MBD5: variants seen among roughly 807,000 people sequenced by gnomAD.
MBD5 encodes methyl-CpG binding domain protein 5, also known as methyl-CpG-binding domain protein 5.
Under a neutral mutation model 117.3 loss-of-function variants are expected in MBD5, and 13 were observed. The ratio of observed to expected loss-of-function variants is 0.11; its 90% CI spans 0.07 to 0.18. MBD5 has a LOEUF of 0.18. Among genes scored for constraint, MBD5 ranks in the 10% least tolerant of loss-of-function variants. The pLI, the probability that MBD5 is intolerant of heterozygous loss-of-function variation, is 1.00. For synonymous variants in MBD5, 727 were observed against 766.4 expected, an observed-to-expected ratio of 0.95 and a Z score of 0.85; for missense variants, 1,879 against 2,093.8, an observed-to-expected ratio of 0.90 and a Z score of 2.00.
chr2:148,158,927 T>G lies in MBD5; in HGVS notation c.-924-19773T>G, dbSNP rs1574079971. Among the ~76,000 whole-genome samples the G allele has an allele frequency of 3.3e-5, 5 of 152,356 alleles. No individual in the cohort carries two copies. The East Asian group carries it at 9.6e-4, about 29-fold the overall frequency. On this transcript the variant is annotated intron_variant, in intron 1 of 13. Coordinates refer to ENST00000642680, the MANE Select transcript of MBD5 (RefSeq NM_001378120.1). ...TTAGTAGAGACGGGGTTTCATCGTG[T>G]TAGCCAGGATGGTCTCGATCTCCTG... is the stretch of plus-strand genomic sequence containing the variant.
rs767414634 is a variant in MBD5 at position 148,510,089 on chromosome 2, C to T, written c.5066C>T (p.Ala1689Val). The change falls in exon 13 of 14, where the codon GCT becomes GTT. Residue 1689 changes from alanine (A) to valine (V), a missense_variant. Coordinates refer to ENST00000642680, the MANE Select transcript of MBD5 (RefSeq NM_001378120.1). ...KSGKLNNHLE[A>V]AIHEAMSELD... is the part of the protein sequence containing the mutation. ...GGAAAGCTAAATAACCATTTAGAAGCTGCTATTCATGAGGCCATGAGTGAA... is the reference window on the plus strand; with the variant it reads ...GGAAAGCTAAATAACCATTTAGAAGTTGCTATTCATGAGGCCATGAGTGAA... 1 of 1,612,812 alleles carries T rather than the reference C, an allele frequency of 6.2e-7. No individual in the cohort carries two copies. Among genetic ancestry groups the T allele is most frequent in the Non-Finnish European group, 8.5e-7 (1 of 1,179,028 alleles).
intron 5 of MBD5, among the ~76,000 whole-genome samples, chr2:148,459,077 C>G (rs1706975573): frequency 6.6e-6 from 1 of 152,054 alleles, no homozygotes; most frequent in African/African-American, 2.4e-5. Flanking sequence ...CTGCTTATCT[C>G]TGTAACAAGA....
chr2:148,267,043 A>G (rs949212857), intron 3 of MBD5, among the ~76,000 whole-genome samples: 9 of 152,168 alleles, frequency 5.9e-5, no homozygotes, highest in African/African-American at 2.2e-4. Context: ...AAGATCTTCT[A>G]ACATTTAATA....
intron 1 of MBD5, among the ~76,000 whole-genome samples, chr2:148,141,315 C>A (rs1049549920): frequency 6.6e-6 from 1 of 152,156 alleles, no homozygotes; most frequent in Non-Finnish European, 1.5e-5. Flanking sequence ...ATTGGAGACA[C>A]TCCTACAAAT....
intron 3 of MBD5, among the ~76,000 whole-genome samples, chr2:148,268,362 T>C (rs1700907918): frequency 6.6e-6 from 1 of 151,982 alleles, no homozygotes; most frequent in Non-Finnish European, 1.5e-5. Context: ...GATTACAGGC[T>C]TGAACCACAG....
chr2:148,164,739 T>C (rs2105765707), intron 1 of MBD5, among the ~76,000 whole-genome samples: 1 of 152,326 alleles, frequency 6.6e-6, no homozygotes, highest in South Asian at 2.1e-4. Context: ...ACTGATTGTT[T>C]CAGTTCATTT....
chr2:148,447,166 A>G (rs536423678), intron 4 of MBD5, among the ~76,000 whole-genome samples: 89 of 138,060 alleles, frequency 6.4e-4, no homozygotes, highest in African/African-American at 2.3e-3. Flanking sequence ...AAAGAAAGGA[A>G]GAAAGGAAGA....
intron 1 of MBD5, among the ~76,000 whole-genome samples, chr2:148,149,767 A>G (rs1201372024): frequency 0.012 from 1,765 of 151,794 alleles, 43 homozygotes; most frequent in African/African-American, 0.04. Flanking sequence ...CATGTCCTTC[A>G]CCCACTTTTT....
intron 1 of MBD5, among the ~76,000 whole-genome samples, chr2:148,161,374 G>A (rs1698003540): frequency 6.6e-6 from 1 of 152,156 alleles, no homozygotes; most frequent in South Asian, 2.1e-4. Flanking sequence ...CTGGATCTGA[G>A]CCCTCCTGGT....
chr2:148,299,106 T>G (rs1701721875), intron 3 of MBD5, among the ~76,000 whole-genome samples: 1 of 152,084 alleles, frequency 6.6e-6, no homozygotes, highest in Non-Finnish European at 1.5e-5. Context: ...AAGGTAAGCT[T>G]TGCTCCATCC....
At chr2:148,106,632 A>G (rs1036033489) in intron 1 of MBD5, among the ~76,000 whole-genome samples, 2 of 150,122 alleles carry the variant, frequency 1.3e-5, no homozygotes, top group Admixed American at 6.6e-5. Context: ...TTTCTCCTTT[A>G]TTGCCTTCTT....
chr2:148,427,824 G>A (rs181906912), intron 4 of MBD5, among the ~76,000 whole-genome samples: 1 of 151,190 alleles, frequency 6.6e-6, no homozygotes, highest in East Asian at 1.9e-4. Context: ...GAAAAAAGAA[G>A]GAAATACCCA....
At chr2:148,364,954 T>G (rs181325952) in intron 4 of MBD5, among the ~76,000 whole-genome samples, 5 of 152,242 alleles carry the variant, frequency 3.3e-5, no homozygotes, top group Non-Finnish European at 5.9e-5. Flanking sequence ...ACAAGGATAT[T>G]CAGGACGTGA....
chr2:148,457,676 C>T (rs966188325), intron 4 of MBD5, among the ~76,000 whole-genome samples: 1 of 152,026 alleles, frequency 6.6e-6, no homozygotes, highest in Admixed American at 6.6e-5. Context: ...GGAGGGAAAC[C>T]ACCTCTTATA....
Position 148,021,658 on chromosome 2 carries a change from G to T in MBD5, c.-951G>T. The T allele has an allele frequency of 2.5e-6, 1 of 398,110 alleles. No homozygotes were observed. The highest frequency in any genetic ancestry group is 5.0e-6 in the Non-Finnish European group (1 of 201,352). 24.7% of individuals were successfully genotyped at this position (398,110 alleles called of 1,614,324 possible). On this transcript the variant is annotated 5_prime_UTR_variant, in exon 1 of 14. The change creates a new upstream start codon in the 5' untranslated region. Transcript: ENST00000642680. ...TGTCATCCTCCACAGCTCCAGGGAAGGCACTCAAAAGTGGGGGGCAGGAAA... is the reference window on the plus strand; with the variant it reads ...TGTCATCCTCCACAGCTCCAGGGAATGCACTCAAAAGTGGGGGGCAGGAAA...
chr2:148,105,853 A>G (rs1193577747), intron 1 of MBD5, among the ~76,000 whole-genome samples: 1 of 152,154 alleles, frequency 6.6e-6, no homozygotes, highest in African/African-American at 2.4e-5. Context: ...CTTTTGCTAT[A>G]TACAACAAAA....
At chr2:148,425,789 G>C (rs967756143) in intron 4 of MBD5, among the ~76,000 whole-genome samples, 1 of 152,146 alleles carries the variant, frequency 6.6e-6, no homozygotes, top group Non-Finnish European at 1.5e-5. Flanking sequence ...CAAAATCCAT[G>C]TGATTATCTC....
At chr2:148,205,783 T>A (rs1045414223) in intron 2 of MBD5, among the ~76,000 whole-genome samples, 2 of 152,098 alleles carry the variant, frequency 1.3e-5, no homozygotes, top group African/African-American at 4.8e-5. Context: ...CCCAGCACTG[T>A]TGGAGGCCAA....
intron 1 of MBD5, among the ~76,000 whole-genome samples, chr2:148,081,204 G>A (rs1695639321): frequency 6.6e-6 from 1 of 152,074 alleles, no homozygotes; most frequent in Non-Finnish European, 1.5e-5. Flanking sequence ...CTTGTTTATT[G>A]TCTCCTCCAA....
Sources: allele counts gnomAD v4.1 joint callset (sites outside exome capture counted in the v4.1 genomes callset), GRCh38; gene constraint gnomAD v4.1.1; transcripts MANE v1.5; gene names NCBI Gene and HGNC (gene_info 2026-07-23, HGNC 2026-07-21).